The following HS6ST3 variants were observed in gnomAD, a reference collection of about 807,000 sequenced individuals.
HS6ST3 encodes heparan-sulfate 6-O-sulfotransferase 3.
A neutral mutation model predicts 36.7 loss-of-function variants in HS6ST3; 12 were observed. The ratio of observed to expected loss-of-function variants is 0.33; its 90% CI spans 0.21 to 0.53. The LOEUF (loss-of-function observed/expected upper bound fraction) is 0.53, where lower values mean the gene tolerates loss of function less well. Among genes scored for constraint, HS6ST3 ranks in the 20% least tolerant of loss-of-function variants. The probability of loss-of-function intolerance (pLI) is 0.95; values close to 1 mark genes in which losing one functional copy is unlikely to be tolerated. For synonymous variants in HS6ST3, 240 were observed against 257.5 expected (o/e 0.93, Z 0.65); for missense variants, 584 against 640.9 (o/e 0.91, Z 0.96).
At chr13:96,422,558 G>A (rs144966215) in intron 1 of HS6ST3, among the ~76,000 whole-genome samples, 1 of 152,330 alleles carries the variant, frequency 6.6e-6, no homozygotes, top group African/African-American at 2.4e-5. Flanking sequence ...AATTTCAAGA[G>A]ATTTTGAGAA....
At chr13:96,096,829 A>G (rs1418363201) in intron 1 of HS6ST3, among the ~76,000 whole-genome samples, 2 of 152,198 alleles carry the variant, frequency 1.3e-5, no homozygotes, top group Non-Finnish European at 2.9e-5. Flanking sequence ...AGACTAGACT[A>G]TTATGGCCTG....
At chr13:96,734,177 T>C (rs1226204222) in intron 1 of HS6ST3, among the ~76,000 whole-genome samples, 3 of 152,224 alleles carry the variant, frequency 2.0e-5, no homozygotes, top group Admixed American at 2.0e-4. Flanking sequence ...GTCATTTCAG[T>C]GCATGCTGGC....
chr13:96,750,683 G>A (rs1177712469), intron 1 of HS6ST3, among the ~76,000 whole-genome samples: 1 of 152,140 alleles, frequency 6.6e-6, no homozygotes, highest in Non-Finnish European at 1.5e-5. Flanking sequence ...CTGTTGAGGG[G>A]AAACAATTAA....
chr13:96,603,409 C>G (rs1012874469), intron 1 of HS6ST3, among the ~76,000 whole-genome samples: 1 of 152,090 alleles, frequency 6.6e-6, no homozygotes, highest in African/African-American at 2.4e-5. Flanking sequence ...TGTGGTAGTT[C>G]ATTCATTTTC....
chr13:96,815,402 G>C (rs919412827), intron 1 of HS6ST3, among the ~76,000 whole-genome samples: 14 of 152,150 alleles, frequency 9.2e-5, no homozygotes, highest in African/African-American at 3.4e-4. Flanking sequence ...TCCAAGAAAG[G>C]TCATATTCCC....
chr13:96,130,501 A>G (rs780368030), intron 1 of HS6ST3, among the ~76,000 whole-genome samples: 4 of 152,246 alleles, frequency 2.6e-5, no homozygotes, highest in Non-Finnish European at 5.9e-5. Context: ...GAGATTAATT[A>G]CATCTGTCAT....
chr13:96,544,556 G>A (rs1221560770), intron 1 of HS6ST3, among the ~76,000 whole-genome samples: 1 of 152,126 alleles, frequency 6.6e-6, no homozygotes, highest in African/African-American at 2.4e-5. Flanking sequence ...ATAGGGGCTT[G>A]AACAGATCTG....
At chr13:96,525,257 G>A (rs1269851224) in intron 1 of HS6ST3, among the ~76,000 whole-genome samples, 1 of 152,102 alleles carries the variant, frequency 6.6e-6, no homozygotes, top group Non-Finnish European at 1.5e-5. Context: ...AAATAGATGG[G>A]GGTGGTTACT....
At chr13:96,828,325 A>G (rs1035219714) in intron 1 of HS6ST3, among the ~76,000 whole-genome samples, 3 of 152,218 alleles carry the variant, frequency 2.0e-5, no homozygotes, top group Non-Finnish European at 4.4e-5. Context: ...ATAGTTTTAA[A>G]TATTGCAGCT....
intron 1 of HS6ST3, among the ~76,000 whole-genome samples, chr13:96,400,178 C>CACACAT (rs2055442573): frequency 6.6e-6 from 1 of 151,586 alleles, no homozygotes; most frequent in Admixed American, 6.6e-5. Flanking sequence ...CACACACACA[C>CACACAT]ACACACAGAC....
At chr13:96,167,632 G>A (rs1423116311) in intron 1 of HS6ST3, among the ~76,000 whole-genome samples, 2 of 152,206 alleles carry the variant, frequency 1.3e-5, no homozygotes, top group Non-Finnish European at 2.9e-5. Context: ...GCATCTTGAG[G>A]AAAGGTTTAT....
intron 1 of HS6ST3, among the ~76,000 whole-genome samples, chr13:96,773,438 C>T (rs939322871): frequency 6.6e-6 from 1 of 152,186 alleles, no homozygotes; most frequent in East Asian, 1.9e-4. Flanking sequence ...TTGAAATTCT[C>T]GCTGCCAGCA....
chr13:96,282,251 A>G (rs1377405626), intron 1 of HS6ST3, among the ~76,000 whole-genome samples: 2 of 152,190 alleles, frequency 1.3e-5, no homozygotes, highest in Non-Finnish European at 2.9e-5. Context: ...TCGGTATCCC[A>G]TGAAAGAGAG....
chr13:96,573,842 T>A, intron 1 of HS6ST3: 1 of 427,992 alleles, frequency 2.3e-6, no homozygotes. Context: ...CTGGAAGTGC[T>A]CCCATCACAC....
chr13:96,402,433 C>G (rs2055456560), intron 1 of HS6ST3, among the ~76,000 whole-genome samples: 1 of 152,096 alleles, frequency 6.6e-6, no homozygotes, highest in Admixed American at 6.6e-5. Flanking sequence ...AGTTTTAGGT[C>G]TGTATTTAGT....
At chr13:96,610,489 G>C (rs745861106) in intron 1 of HS6ST3, among the ~76,000 whole-genome samples, 1 of 152,088 alleles carries the variant, frequency 6.6e-6, no homozygotes, top group Non-Finnish European at 1.5e-5. Context: ...TCAGGAACTG[G>C]TGTTATTCTC....
intron 1 of HS6ST3, among the ~76,000 whole-genome samples, chr13:96,158,610 G>A (rs1226314490): frequency 2.4e-5 from 3 of 123,014 alleles, no homozygotes; most frequent in East Asian, 5.2e-4. Flanking sequence ...CCATGATCGC[G>A]CCATTGTGCT....
chr13:96,307,668 A>G (rs1015378142), intron 1 of HS6ST3, among the ~76,000 whole-genome samples: 1 of 152,140 alleles, frequency 6.6e-6, no homozygotes, highest in Admixed American at 6.6e-5. Flanking sequence ...GGCAGTAAAT[A>G]TTATATGAAT....
At chr13:96,092,000 A>G (rs2053767442) in intron 1 of HS6ST3, among the ~76,000 whole-genome samples, 2 of 152,178 alleles carry the variant, frequency 1.3e-5, no homozygotes, top group Non-Finnish European at 2.9e-5. Flanking sequence ...TAGAGAGGCA[A>G]GGCACGAGTT....
Sources: allele counts gnomAD v4.1 joint callset (sites outside exome capture counted in the v4.1 genomes callset), GRCh38; gene constraint gnomAD v4.1.1; transcripts MANE v1.5; gene names NCBI Gene and HGNC (gene_info 2026-07-23, HGNC 2026-07-21).